The following CDH18 variants were observed in gnomAD, a reference collection of about 807,000 sequenced individuals.
The protein encoded by CDH18 is cadherin 18, also known as cadherin-18.
Under a neutral mutation model 67.9 loss-of-function variants are expected in CDH18, and 31 were observed. The observed-to-expected ratio is 0.46, with a 90% CI of 0.34 to 0.62. The LOEUF (loss-of-function observed/expected upper bound fraction) is 0.62, where lower values mean the gene tolerates loss of function less well. Ranked by LOEUF, CDH18 falls within the 20% of genes least tolerant of loss-of-function variation. The pLI, the probability that CDH18 is intolerant of heterozygous loss-of-function variation, is 0.01. For synonymous variants in CDH18, 362 were observed against 347.2 expected (o/e 1.04, Z -0.48); for missense variants, 890 against 975.5 (o/e 0.91, Z 1.17).
At chr5:20,239,338 C>A (rs930485846) in intron 2 of CDH18, among the ~76,000 whole-genome samples, 3 of 152,084 alleles carry the variant, frequency 2.0e-5, no homozygotes, top group Admixed American at 6.6e-5. Flanking sequence ...TGCCTGTAGT[C>A]CCAGCTACTT....
intron 5 of CDH18, among the ~76,000 whole-genome samples, chr5:19,635,493 G>T (rs571443283): frequency 4.8e-4 from 73 of 152,298 alleles, no homozygotes; most frequent in African/African-American, 1.8e-3. Flanking sequence ...GTGAGAGATG[G>T]TTGTTTTGTA....
At chr5:20,100,081 G>C (rs935845647) in intron 2 of CDH18, among the ~76,000 whole-genome samples, 9 of 152,160 alleles carry the variant, frequency 5.9e-5, no homozygotes, top group African/African-American at 1.9e-4. Flanking sequence ...CACCATGCCC[G>C]GTTTCTAATT....
intron 4 of CDH18, among the ~76,000 whole-genome samples, chr5:19,745,387 C>T (rs1769855512): frequency 6.6e-6 from 1 of 152,146 alleles, no homozygotes; most frequent in African/African-American, 2.4e-5. Context: ...GTTTTTCTCT[C>T]TAGTGCTTTA....
chr5:20,401,569 T>A (rs1295542501), intron 1 of CDH18, among the ~76,000 whole-genome samples: 1 of 152,170 alleles, frequency 6.6e-6, no homozygotes, highest in Admixed American at 6.5e-5. Context: ...AAAACCACAT[T>A]CCTCTTTTCT....
chr5:19,865,176 C>T (rs1785352456), intron 2 of CDH18, among the ~76,000 whole-genome samples: 1 of 152,108 alleles, frequency 6.6e-6, no homozygotes, highest in East Asian at 1.9e-4. Flanking sequence ...TAAAGCCACA[C>T]TTGCTGTGGG....
At chr5:20,397,288 G>A (rs112780803) in intron 1 of CDH18, among the ~76,000 whole-genome samples, 2,116 of 151,842 alleles carry the variant, frequency 0.014, 49 homozygotes, top group African/African-American at 0.048. Context: ...GCACCACCAC[G>A]CCCGGCTAAT....
At chr5:20,490,103 A>C (rs1433868200) in intron 1 of CDH18, among the ~76,000 whole-genome samples, 1 of 150,958 alleles carries the variant, frequency 6.6e-6, no homozygotes, top group African/African-American at 2.4e-5. Context: ...TAATAATACT[A>C]ATTAATAAAT....
intron 8 of CDH18, among the ~76,000 whole-genome samples, chr5:19,557,773 T>C (rs1619371): frequency 0.099 from 15,098 of 151,998 alleles, 1,044 homozygotes; most frequent in African/African-American, 0.19. Flanking sequence ...TAGACTTAAA[T>C]TATATCCTAG....
chr5:20,018,694 T>G (rs2150428046), intron 2 of CDH18, among the ~76,000 whole-genome samples: 1 of 152,328 alleles, frequency 6.6e-6, no homozygotes, highest in Admixed American at 6.5e-5. Context: ...GGATTTTGTT[T>G]CCTATGGAAT....
chr5:20,475,911 G>A (rs10051809), intron 1 of CDH18, among the ~76,000 whole-genome samples: 3,893 of 152,224 alleles, frequency 0.026, 169 homozygotes, highest in African/African-American at 0.089. Flanking sequence ...ATACCACTTG[G>A]AAGACATTTA....
rs549836936 is a variant in CDH18 at position 20,418,200 on chromosome 5, C to T, written c.-580+157262G>A. Among the ~76,000 whole-genome samples the T allele has an allele frequency of 1.3e-4, 18 of 142,294 alleles. No individual in the cohort carries two copies. In the South Asian group the frequency reaches 3.8e-3, roughly 30 times the overall value. 93.4% of individuals were successfully genotyped at this position (142,294 alleles called of 152,430 possible). A position where few individuals can be genotyped will look rare whatever the true frequency, so the allele number is the denominator to read the frequency against. On this transcript the variant is annotated intron_variant, in intron 1 of 14. Coordinates refer to the CDH18 transcript ENST00000507958. ...CAGGAATTCTCCTGCCTCAGCCTCC[C>T]GAGTAGCAGGGATTACAGGTGTCTG... is the stretch of plus-strand genomic sequence containing the variant.
intron 1 of CDH18, among the ~76,000 whole-genome samples, chr5:20,529,278 A>AC (rs951923999): frequency 6.6e-6 from 1 of 151,918 alleles, no homozygotes; most frequent in Non-Finnish European, 1.5e-5. Context: ...GAAAAAAAAA[A>AC]AGCCCAGAAC....
chr5:20,141,844 G>A (rs1750267484), intron 2 of CDH18, among the ~76,000 whole-genome samples: 1 of 151,576 alleles, frequency 6.6e-6, no homozygotes, highest in Non-Finnish European at 1.5e-5. Context: ...TAACTGAAGG[G>A]GAGTTTTATA....
chr5:20,574,459 G>C (rs1759006003), intron 1 of CDH18, among the ~76,000 whole-genome samples: 1 of 151,774 alleles, frequency 6.6e-6, no homozygotes, highest in African/African-American at 2.4e-5. Context: ...GCAATTCTCG[G>C]GGTAAAATAT....
chr5:19,590,588 T>A (rs1006269501), intron 7 of CDH18, among the ~76,000 whole-genome samples: 2 of 152,022 alleles, frequency 1.3e-5, no homozygotes, highest in Non-Finnish European at 2.9e-5. Flanking sequence ...ATAAAATATC[T>A]CAGCCTGTTA....
chr5:20,377,593 G>T (rs1350672179), intron 1 of CDH18, among the ~76,000 whole-genome samples: 1 of 152,102 alleles, frequency 6.6e-6, no homozygotes, highest in Non-Finnish European at 1.5e-5. Flanking sequence ...GGAACACAAT[G>T]GTTGTTGAAC....
At chr5:19,898,868 C>A (rs1175802869) in intron 2 of CDH18, among the ~76,000 whole-genome samples, 3 of 152,016 alleles carry the variant, frequency 2.0e-5, no homozygotes, top group Admixed American at 2.0e-4. Flanking sequence ...AATTAAAAGA[C>A]CACTTATGAA....
At chr5:20,499,644 T>C (rs930653489) in intron 1 of CDH18, among the ~76,000 whole-genome samples, 2 of 152,160 alleles carry the variant, frequency 1.3e-5, no homozygotes, top group Non-Finnish European at 2.9e-5. Context: ...GAAGGTGTTG[T>C]TCTTAATTGC....
In CDH18 at chr5:20,175,394, T is replaced by A. The variant is rs560430554; in HGVS notation, c.-518+80050A>T. On this transcript the variant is annotated intron_variant, in intron 2 of 14. Coordinates refer to the CDH18 transcript ENST00000507958. ...AAATTAAAGGTCAAGTAAAGTTTCTTGTGGTTGATACTGTTACCTTTCCTT... is the reference window on the plus strand; with the variant it reads ...AAATTAAAGGTCAAGTAAAGTTTCTAGTGGTTGATACTGTTACCTTTCCTT... Among the ~76,000 whole-genome samples, 5 of 152,224 alleles carry A rather than the reference T, an allele frequency of 3.3e-5. No homozygotes were observed. In the East Asian group the frequency reaches 9.7e-4, roughly 29 times the overall value.
Sources: allele counts gnomAD v4.1 joint callset (sites outside exome capture counted in the v4.1 genomes callset), GRCh38; gene constraint gnomAD v4.1.1; transcripts MANE v1.5; gene names NCBI Gene and HGNC (gene_info 2026-07-23, HGNC 2026-07-21).